Variants in PVT1 observed in about 807,000 individuals in gnomAD.
The protein encoded by PVT1 is CXCR4/PVT1 fusion.
rs562629882 is a variant in PVT1, at chr8:127,808,450, A to G, written n.372+12379A>G. On this transcript the variant is annotated intron_variant and non_coding_transcript_variant, in intron 2 of 10. Coordinates refer to ENST00000651587, the Ensembl canonical transcript of PVT1. ...AGGCTGCAAAACTTTTGGTGTGTTCAGAGTGTCAAAAGATTCGTGTGGCTG... is the reference window on the plus strand; with the variant it reads ...AGGCTGCAAAACTTTTGGTGTGTTCGGAGTGTCAAAAGATTCGTGTGGCTG... Among the ~76,000 whole-genome samples the G allele has an allele frequency of 5.6e-4, 85 of 152,320 alleles. 1 individual carries two copies. The highest frequency in any genetic ancestry group is 3.4e-3 in the Middle Eastern group (1 of 294).
intron 5 of PVT1, among the ~76,000 whole-genome samples, chr8:128,074,507 A>G (rs1332906397): frequency 2.2e-5 from 3 of 138,532 alleles, no homozygotes; most frequent in Admixed American, 7.4e-5. Flanking sequence ...TGAGTGACAG[A>G]GTGAGACTGT....
At chr8:127,870,278 C>G (rs1282948876) in intron 2 of PVT1, among the ~76,000 whole-genome samples, 1 of 152,168 alleles carries the variant, frequency 6.6e-6, no homozygotes, top group Non-Finnish European at 1.5e-5. Context: ...TAGAGTGACA[C>G]AGCTACAAGC....
At chr8:128,050,401 G>T (rs956777402) in intron 4 of PVT1, among the ~76,000 whole-genome samples, 4 of 152,154 alleles carry the variant, frequency 2.6e-5, no homozygotes, top group African/African-American at 9.7e-5. Flanking sequence ...AGACCTCTCA[G>T]GGGGCATTAA....
chr8:128,097,126 C>A (rs1235074599), intron 6 of PVT1, among the ~76,000 whole-genome samples: 1 of 152,202 alleles, frequency 6.6e-6, no homozygotes, highest in East Asian at 1.9e-4. Context: ...TTTGGGAGGC[C>A]AAGGCGGGTG....
At chr8:127,829,707 C>G (rs1814829457) in intron 2 of PVT1, among the ~76,000 whole-genome samples, 2 of 152,190 alleles carry the variant, frequency 1.3e-5, no homozygotes, top group Admixed American at 6.5e-5. Context: ...CACAATTTTA[C>G]CTTTGCGGGT....
At chr8:127,875,201 C>T (rs1311939956) in intron 2 of PVT1, among the ~76,000 whole-genome samples, 2 of 152,178 alleles carry the variant, frequency 1.3e-5, no homozygotes, top group Non-Finnish European at 2.9e-5. Context: ...TCCCCTTCCT[C>T]ACAGCTGGGG....
intron 3 of PVT1, among the ~76,000 whole-genome samples, chr8:127,922,106 G>T (rs927510622): frequency 1.3e-5 from 2 of 151,798 alleles, no homozygotes; most frequent in African/African-American, 4.8e-5. Flanking sequence ...TGATCTGCCC[G>T]CCTTGGCCTC....
intron 2 of PVT1, among the ~76,000 whole-genome samples, chr8:127,887,292 G>A (rs778299241): frequency 6.6e-6 from 1 of 152,118 alleles, no homozygotes; most frequent in Non-Finnish European, 1.5e-5. Context: ...GACTAAAATT[G>A]ACCAAAAGCA....
exon 3 of PVT1, chr8:127,890,630 C>T (rs1280191768): frequency 2.0e-5 from 3 of 152,274 alleles, no homozygotes; most frequent in African/African-American, 7.2e-5. Flanking sequence ...AGATGCCCCT[C>T]AAGATGGCTG....
chr8:127,915,992 A>G (rs750103406), intron 3 of PVT1, among the ~76,000 whole-genome samples: 2 of 152,112 alleles, frequency 1.3e-5, no homozygotes, highest in Non-Finnish European at 2.9e-5. Flanking sequence ...AGTCAATCCC[A>G]CCCTGGCCAC....
chr8:128,075,240 T>G (rs760113957), intron 5 of PVT1, among the ~76,000 whole-genome samples: 2 of 152,196 alleles, frequency 1.3e-5, no homozygotes, highest in African/African-American at 2.4e-5. Flanking sequence ...TTTCCTACTC[T>G]GCTCTGATTT....
intron 2 of PVT1, among the ~76,000 whole-genome samples, chr8:127,862,176 G>A (rs1319379129): frequency 6.6e-6 from 1 of 152,188 alleles, no homozygotes; most frequent in Admixed American, 6.5e-5. Flanking sequence ...GGGAGGTCGA[G>A]GTGGGTGGAT....
intron 2 of PVT1, among the ~76,000 whole-genome samples, chr8:127,867,037 G>A (rs960200724): frequency 1.3e-5 from 2 of 152,206 alleles, no homozygotes; most frequent in Non-Finnish European, 2.9e-5. Flanking sequence ...TGGGCTGCTC[G>A]CCTGAATGGT....
At chr8:127,946,217 C>T (rs1218168604) in intron 3 of PVT1, among the ~76,000 whole-genome samples, 1 of 152,202 alleles carries the variant, frequency 6.6e-6, no homozygotes, top group African/African-American at 2.4e-5. Context: ...TATTATCATG[C>T]ACAAGCCATT....
intron 4 of PVT1, among the ~76,000 whole-genome samples, chr8:128,039,099 T>G (rs1417097892): frequency 6.6e-6 from 1 of 152,156 alleles, no homozygotes; most frequent in Non-Finnish European, 1.5e-5. Context: ...AAGGCTTTCT[T>G]TCTTCTGGCC....
At chr8:127,892,031 C>T (rs1815607938) in intron 3 of PVT1, among the ~76,000 whole-genome samples, 2 of 152,208 alleles carry the variant, frequency 1.3e-5, no homozygotes, top group South Asian at 2.1e-4. Flanking sequence ...GCAGCTCAAA[C>T]AGCAAGTGGT....
intron 2 of PVT1, among the ~76,000 whole-genome samples, chr8:127,885,391 A>G (rs2129793724): frequency 6.6e-6 from 1 of 152,364 alleles, no homozygotes; most frequent in East Asian, 1.9e-4. Flanking sequence ...TGTAAACAAC[A>G]GAACTTTATT....
At position 127,915,094 on chromosome 8, in the gene PVT1, G is replaced by A. The variant is rs1030348160; in HGVS notation, n.782+24096G>A. Among the ~76,000 whole-genome samples, 31 of 151,934 alleles carry A rather than the reference G, an allele frequency of 2.0e-4. 1 individual carries two copies. Among genetic ancestry groups the A allele is most frequent in the Admixed American group, 2.0e-3 (31 of 15,268 alleles). On this transcript the variant is annotated intron_variant and non_coding_transcript_variant, in intron 3 of 10. Coordinates refer to ENST00000651587, the Ensembl canonical transcript of PVT1. Reference sequence around the variant, plus strand: ...CCCACCTCGGCCTCCCAAAGTGTTGGGATTACAGGTGTGAGCCACCACACC... The same window carrying A: ...CCCACCTCGGCCTCCCAAAGTGTTGAGATTACAGGTGTGAGCCACCACACC...
intron 3 of PVT1, among the ~76,000 whole-genome samples, chr8:127,924,508 AT>A (rs140569442): frequency 0.41 from 38,034 of 91,956 alleles, 6,144 homozygotes; most frequent in East Asian, 0.61. Flanking sequence ...TAACTTTTGT[AT>A]TTTTTTTTTT....
Sources: allele counts gnomAD v4.1 joint callset (sites outside exome capture counted in the v4.1 genomes callset), GRCh38; gene constraint gnomAD v4.1.1; transcripts MANE v1.5; gene names NCBI Gene and HGNC (gene_info 2026-07-23, HGNC 2026-07-21).